The following FAM83B variants were observed in gnomAD, a reference collection of about 807,000 sequenced individuals.
FAM83B encodes protein FAM83B.
A neutral mutation model predicts 38.8 loss-of-function variants in FAM83B; 26 were observed. The observed-to-expected ratio is 0.67, with a 90% CI of 0.49 to 0.93. FAM83B has a LOEUF of 0.93. FAM83B is among the 40% of genes least tolerant of loss of function. The pLI, the probability that FAM83B is intolerant of heterozygous loss-of-function variation, is 0.00. For synonymous variants in FAM83B, 419 were observed against 423.1 expected, an observed-to-expected ratio of 0.99 and a Z score of 0.12; for missense variants, 1,237 against 1,197.3, an observed-to-expected ratio of 1.03 and a Z score of -0.49.
chr6:54,868,084 T>A (rs1283754730), intron 1 of FAM83B, among the ~76,000 whole-genome samples: 1 of 152,192 alleles, frequency 6.6e-6, no homozygotes, highest in East Asian at 1.9e-4. Context: ...TCTTATTTTT[T>A]AATTTTTTTT....
Position 54,942,141 on chromosome 6 carries a change from T to A in FAM83B, c.*134T>A. 2 of 866,532 alleles carry A rather than the reference T, an allele frequency of 2.3e-6. No homozygotes were observed. Among genetic ancestry groups the A allele is most frequent in the Non-Finnish European group, 3.4e-6 (2 of 582,886 alleles). The allele number at this position is 866,532 out of a possible 1,614,324, so 53.7% of individuals were successfully genotyped here. ...ATGTATATGTTCACCAGTGTCCTAG[T>A]ATAAAGTTATTTTTCTGTGTGATAA... On this transcript the variant is annotated 3_prime_UTR_variant, in exon 5 of 5. Transcript: ENST00000306858.
At chr6:54,849,282 G>A (rs1771210489) in intron 1 of FAM83B, among the ~76,000 whole-genome samples, 1 of 152,214 alleles carries the variant, frequency 6.6e-6, no homozygotes, top group Non-Finnish European at 1.5e-5. Context: ...ACTGAGGTGT[G>A]CCAATGGGCA....
intron 4 of FAM83B, among the ~76,000 whole-genome samples, chr6:54,932,387 T>C (rs1773442531): frequency 6.6e-6 from 1 of 152,158 alleles, no homozygotes; most frequent in Non-Finnish European, 1.5e-5. Flanking sequence ...ACTCCACACC[T>C]TTATAGCTCT....
intron 2 of FAM83B, among the ~76,000 whole-genome samples, chr6:54,874,844 C>T (rs1310396859): frequency 6.6e-6 from 1 of 152,060 alleles, no homozygotes; most frequent in African/African-American, 2.4e-5. Context: ...CGCTCTATAC[C>T]ACATTACCTG....
chr6:54,876,019 G>A (rs892776542), intron 2 of FAM83B, among the ~76,000 whole-genome samples: 2 of 151,936 alleles, frequency 1.3e-5, no homozygotes, highest in South Asian at 2.1e-4. Flanking sequence ...CACCAAAGTC[G>A]TCAGTAACTT....
chr6:54,936,968 A>G (rs1357059463), intron 4 of FAM83B, among the ~76,000 whole-genome samples: 3 of 146,980 alleles, frequency 2.0e-5, no homozygotes, highest in Non-Finnish European at 3.0e-5. Flanking sequence ...GGCATACTAG[A>G]TAAAATTAAG....
intron 2 of FAM83B, among the ~76,000 whole-genome samples, chr6:54,876,803 G>A (rs546217956): frequency 6.6e-6 from 1 of 152,138 alleles, no homozygotes; most frequent in East Asian, 1.9e-4. Context: ...GAGCTTTGAG[G>A]TAGTGTTACT....
At chr6:54,903,332 A>G (rs1772705722) in intron 2 of FAM83B, among the ~76,000 whole-genome samples, 1 of 152,200 alleles carries the variant, frequency 6.6e-6, no homozygotes, top group African/African-American at 2.4e-5. Flanking sequence ...TTGGACCGGC[A>G]TGGCAAAAGA....
chr6:54,846,298 T>G (rs35601036), upstream of FAM83B, among the ~76,000 whole-genome samples: 1 of 152,174 alleles, frequency 6.6e-6, no homozygotes. Flanking sequence ...CTACAACCCT[T>G]GCTCTCACCC....
intron 2 of FAM83B, among the ~76,000 whole-genome samples, chr6:54,912,871 G>T (rs1772943856): frequency 6.6e-6 from 1 of 152,014 alleles, no homozygotes; most frequent in African/African-American, 2.4e-5. Context: ...GAATAGTGGA[G>T]TGAAATAAAC....
intron 2 of FAM83B, among the ~76,000 whole-genome samples, chr6:54,907,608 C>A (rs1411613002): frequency 6.7e-6 from 1 of 148,584 alleles, no homozygotes; most frequent in Non-Finnish European, 1.5e-5. Context: ...ATGATATTTT[C>A]ATAGAGAATG....
At chr6:54,936,550 C>T (rs140631812) in intron 4 of FAM83B, among the ~76,000 whole-genome samples, 3 of 152,020 alleles carry the variant, frequency 2.0e-5, no homozygotes, top group South Asian at 2.1e-4. Context: ...TCTACATAAT[C>T]GAACTTTCTG....
At chr6:54,868,455 G>T (rs574366193) in intron 1 of FAM83B, among the ~76,000 whole-genome samples, 8 of 152,232 alleles carry the variant, frequency 5.3e-5, no homozygotes, top group African/African-American at 1.9e-4. Flanking sequence ...GAATGATTGA[G>T]AAATTTATGA....
At chr6:54,924,941 A>G (rs1773255439) in intron 2 of FAM83B, among the ~76,000 whole-genome samples, 1 of 152,130 alleles carries the variant, frequency 6.6e-6, no homozygotes, top group African/African-American at 2.4e-5. Context: ...TAACCAGATC[A>G]TTTCATTACT....
chr6:54,857,982 AACCTGTTGG>A (rs1771481845), intron 1 of FAM83B, among the ~76,000 whole-genome samples: 1 of 152,196 alleles, frequency 6.6e-6, no homozygotes, highest in Admixed American at 6.5e-5. Flanking sequence ...AAAGAAAGAA[AACCTGTTGG>A]ATATCCAGGG....
chr6:54,884,273 GC>G (rs1772211918), intron 2 of FAM83B, among the ~76,000 whole-genome samples: 1 of 145,846 alleles, frequency 6.9e-6, no homozygotes, highest in South Asian at 2.2e-4. Flanking sequence ...CTGCACTCCA[GC>G]CTGGTGACAG....
intron 1 of FAM83B, among the ~76,000 whole-genome samples, chr6:54,855,277 A>T (rs1771422596): frequency 6.6e-6 from 1 of 152,190 alleles, no homozygotes; most frequent in Non-Finnish European, 1.5e-5. Flanking sequence ...TCTCATGCAG[A>T]AAAGTTCAGG....
Position 54,921,579 on chromosome 6 carries a change from G to A in FAM83B, c.445-4792G>A, listed in dbSNP as rs562071309. ...TTTACCTTTTCGAATTATAATGCAAGAATTGTGAATTCATGACAAGAATTA... is the reference window on the plus strand; with the variant it reads ...TTTACCTTTTCGAATTATAATGCAAAAATTGTGAATTCATGACAAGAATTA... On this transcript the variant is annotated intron_variant, in intron 2 of 4. Transcript: ENST00000306858. 6.6e-4 allele frequency among the ~76,000 whole-genome samples: 100 copies of A among 152,070 alleles called. 2 individuals carry two copies. In the South Asian group the frequency reaches 0.019, roughly 29 times the overall value.
chr6:54,865,379 A>T (rs537115170), intron 1 of FAM83B, among the ~76,000 whole-genome samples: 1 of 152,318 alleles, frequency 6.6e-6, no homozygotes, highest in East Asian at 1.9e-4. Context: ...GACACAAGTC[A>T]TATAGTCATA....
Sources: allele counts gnomAD v4.1 joint callset (sites outside exome capture counted in the v4.1 genomes callset), GRCh38; gene constraint gnomAD v4.1.1; transcripts MANE v1.5; gene names NCBI Gene and HGNC (gene_info 2026-07-23, HGNC 2026-07-21).